The following ZNF395 variants were observed in gnomAD, a reference collection of about 807,000 sequenced individuals.
ZNF395 encodes HD gene regulatory region-binding protein 2.
Under a neutral mutation model 57.7 loss-of-function variants are expected in ZNF395, and 20 were observed. The observed-to-expected ratio is 0.35, with a 90% CI of 0.24 to 0.50. The LOEUF (loss-of-function observed/expected upper bound fraction) is 0.50, where lower values mean the gene tolerates loss of function less well. Ranked by LOEUF, ZNF395 falls within the 20% of genes least tolerant of loss-of-function variation. ZNF395 has a pLI of 0.97. For synonymous variants in ZNF395, 295 were observed against 275.9 expected (o/e 1.07, Z -0.69); for missense variants, 606 against 671.2 (o/e 0.90, Z 1.07).
At chr8:28,349,373 G>T in intron 8 of ZNF395, 145 bp from the exon 9 acceptor site, 1 of 533,746 alleles carries the variant, frequency 1.9e-6, no homozygotes, top group East Asian at 3.4e-5. Context: ...GCCGAGGGGA[G>T]CTCTTGGCAG....
intron 1 of ZNF395, among the ~76,000 whole-genome samples, chr8:28,376,425 T>G (rs1403717169): frequency 6.6e-6 from 1 of 152,002 alleles, no homozygotes; most frequent in Admixed American, 6.6e-5. Context: ...AAGACCAGCC[T>G]GGCCATCATG....
At chr8:28,366,929 C>T (rs2129971706) in intron 1 of ZNF395, among the ~76,000 whole-genome samples, 1 of 152,022 alleles carries the variant, frequency 6.6e-6, no homozygotes, top group Admixed American at 6.5e-5. Flanking sequence ...GCAAGAGCAT[C>T]AAAAGCCGTG....
chr8:28,368,867 G>A (rs536357585), intron 1 of ZNF395, among the ~76,000 whole-genome samples: 1 of 151,866 alleles, frequency 6.6e-6, no homozygotes, highest in Non-Finnish European at 1.5e-5. Context: ...ATAGAGTCTC[G>A]CTCTGTCGAC....
In ZNF395 at chr8:28,359,555, G is replaced by A. The variant is rs767891451; in HGVS notation, c.473+37C>T. 1.2e-5 allele frequency: 19 copies of A among 1,550,854 alleles called. No homozygotes were observed. The highest frequency in any genetic ancestry group is 2.3e-5 in the East Asian group (1 of 44,252). On this transcript the variant is annotated intron_variant, in intron 3 of 9. Coordinates refer to ENST00000344423, the MANE Select transcript of ZNF395 (RefSeq NM_018660.3). This position sits in a 1 kb window ranked among gnomAD's most constrained non-coding sequence, Gnocchi z 4.7. ...CACACCCTTACACCACACTACCCAC[G>A]TGACTTTTAAAACCCAGTTTCTTCT... is the stretch of plus-strand genomic sequence containing the variant.
chr8:28,361,109 AC>A lies in ZNF395; in HGVS notation c.15del (p.Ser6ProfsTer33), dbSNP rs1563339012. 1 of 1,612,428 alleles carries A rather than the reference AC, an allele frequency of 6.2e-7. No homozygotes were observed. Among genetic ancestry groups the A allele is most frequent in the East Asian group, 2.2e-5 (1 of 44,890 alleles). The part of the protein sequence containing the change: MASV[L>X]SRRLGKRSLL... ...AGGGACCGCTTTCCAAGGCGTCGGG[AC>A]AGGACACTCGCCATGCTGCTGCCTC... On this transcript the variant is annotated frameshift_variant, in exon 2 of 10. Transcript: ENST00000344423. LOFTEE classifies it high-confidence loss of function.
intron 1 of ZNF395, among the ~76,000 whole-genome samples, chr8:28,381,058 T>TGTGTGTGTGTGTGTG (rs1563343859): frequency 7.2e-6 from 1 of 138,764 alleles, no homozygotes; most frequent in Admixed American, 7.3e-5. Flanking sequence ...TGTGTGTGTG[T>TGTGTGTGTGTGTGTG]TTTGACGGAG....
At chr8:28,383,709 GC>G (rs1375353004) in intron 1 of ZNF395, among the ~76,000 whole-genome samples, 2 of 151,916 alleles carry the variant, frequency 1.3e-5, no homozygotes, top group African/African-American at 4.8e-5. Context: ...ATCCTCCGCT[GC>G]CCCCCTATTA....
Position 28,350,068 on chromosome 8 carries a change from G to C in ZNF395, c.1322C>G (p.Ser441Cys). ...AAAPSAACSL[S>C]PVRSRSLSFS... ...CCGTGCTGCCCGCACACTCACCGGAGAGAGAGAGCAGGCGGCGGAGGGGGC... is the reference window on the plus strand; with the variant it reads ...CCGTGCTGCCCGCACACTCACCGGACAGAGAGAGCAGGCGGCGGAGGGGGC... The change falls in exon 8 of 10, where the codon TCT becomes TGT. Residue 441 changes from serine (S) to cysteine (C), a missense_variant. Ser to Cys is a moderately radical substitution (Grantham distance 112, BLOSUM62 -1). Around this residue, in one of 3 missense-constraint regions of ZNF395, gnomAD observed 261 missense variants for 240.3 expected, o/e 1.09. Coordinates refer to ENST00000344423, the MANE Select transcript of ZNF395 (RefSeq NM_018660.3). 1.2e-6 allele frequency: 2 copies of C among 1,600,368 alleles called. No individual in the cohort carries two copies. Among genetic ancestry groups the C allele is most frequent in the Non-Finnish European group, 1.7e-6 (2 of 1,175,986 alleles).
chr8:28,353,469 C>T (rs1162701783), intron 4 of ZNF395, 61 bp from the exon 5 acceptor site: 3 of 1,312,078 alleles, frequency 2.3e-6, no homozygotes, highest in African/African-American at 1.5e-5. Flanking sequence ...CAAACTCTCC[C>T]TTCTGAGCTT....
In ZNF395 at chr8:28,353,395, G is replaced by C. The variant is rs1484530120; in HGVS notation, c.597C>G (p.Ala199=). 1.9e-6 allele frequency: 3 copies of C among 1,540,572 alleles called. No homozygotes were observed. Among genetic ancestry groups the C allele is most frequent in the Admixed American group, 2.0e-5 (1 of 49,610 alleles). ...TEANFSASRA[A]CDPWKESGDI... Reference sequence around the variant, plus strand: ...CACCACTCTCCTTCCATGGGTCGCAGGCCGCACGGGAAGCTGGCCAGATGA... The same window carrying C: ...CACCACTCTCCTTCCATGGGTCGCACGCCGCACGGGAAGCTGGCCAGATGA... Residue 199 remains alanine, a synonymous_variant, in exon 5 of 10, where the codon GCC becomes GCG. Coordinates refer to ENST00000344423, the MANE Select transcript of ZNF395 (RefSeq NM_018660.3).
Position 28,358,159 on chromosome 8 carries a change from T to TC in ZNF395, c.474-1381_474-1380insG, listed in dbSNP as rs539367721. Among the ~76,000 whole-genome samples the TC allele has an allele frequency of 9.6e-5, 14 of 145,312 alleles. No individual in the cohort carries two copies. In the East Asian group the frequency reaches 2.5e-3, roughly 26 times the overall value. On this transcript the variant is annotated intron_variant, in intron 3 of 9. Coordinates refer to ENST00000344423, the MANE Select transcript of ZNF395 (RefSeq NM_018660.3). Reference sequence around the variant, plus strand: ...GTTTTTTTCTTTTTTTTCTTTTTTTTTTTTTTTTTTTTTGAGATGCAGTCT... The same window carrying TC: ...GTTTTTTTCTTTTTTTTCTTTTTTTTCTTTTTTTTTTTTTGAGATGCAGTCT...
chr8:28,376,867 T>G (rs1273421880), intron 1 of ZNF395, among the ~76,000 whole-genome samples: 1 of 152,226 alleles, frequency 6.6e-6, no homozygotes, highest in Non-Finnish European at 1.5e-5. Flanking sequence ...ATTTGTTAAG[T>G]CAGCGCACCC....
chr8:28,375,569 C>T (rs1021788107), intron 1 of ZNF395, among the ~76,000 whole-genome samples: 9 of 151,948 alleles, frequency 5.9e-5, no homozygotes, highest in African/African-American at 1.7e-4. Context: ...ACGTATGTGT[C>T]GAAACTGATT....
intron 1 of ZNF395, among the ~76,000 whole-genome samples, chr8:28,371,427 T>C (rs1801975153): frequency 6.6e-6 from 1 of 152,212 alleles, no homozygotes; most frequent in Admixed American, 6.5e-5. Context: ...TCGATCCTCC[T>C]GCCTCGGCCT....
rs1409411214 is a variant in ZNF395 at position 28,359,042 on chromosome 8, G to GA, written c.473+549dup. On this transcript the variant is annotated intron_variant, in intron 3 of 9. Coordinates refer to ENST00000344423, the MANE Select transcript of ZNF395 (RefSeq NM_018660.3). The surrounding 1 kb of genome is among the most constrained non-coding windows in gnomAD (Gnocchi z 4.7). ...CTGATTCAGTTTAAGCATGAGAGGGGAAAAAATAGCCCTATGCCCAACCAA... is the reference window on the plus strand; with the variant it reads ...CTGATTCAGTTTAAGCATGAGAGGGGAAAAAAATAGCCCTATGCCCAACCAA... 1.3e-5 allele frequency among the ~76,000 whole-genome samples: 2 copies of GA among 152,094 alleles called. No homozygotes were observed. The highest frequency in any genetic ancestry group is 2.1e-4 in the South Asian group (1 of 4,826).
chr8:28,378,792 T>A (rs1032130350), intron 1 of ZNF395, among the ~76,000 whole-genome samples: 2 of 152,166 alleles, frequency 1.3e-5, no homozygotes, highest in African/African-American at 4.8e-5. Context: ...TTCTACCGCA[T>A]CCCTAATCAA....
chr8:28,376,655 C>T (rs1165552857), intron 1 of ZNF395, among the ~76,000 whole-genome samples: 1 of 152,006 alleles, frequency 6.6e-6, no homozygotes, highest in Non-Finnish European at 1.5e-5. Flanking sequence ...GCCCAACTTT[C>T]CCCCAAACCC....
chr8:28,351,196 T>C (rs1017594713), intron 7 of ZNF395, among the ~76,000 whole-genome samples: 1 of 152,168 alleles, frequency 6.6e-6, no homozygotes, highest in African/African-American at 2.4e-5. Flanking sequence ...ACTACACGAC[T>C]CCATCCTCTC....
chr8:28,366,082 C>G, intron 1 of ZNF395, among the ~76,000 whole-genome samples: 1 of 152,208 alleles, frequency 6.6e-6, no homozygotes, highest in East Asian at 1.9e-4. Context: ...AAGTGATTCA[C>G]TGCACAACTC....
Sources: gnomAD v4.1 joint callset for allele counts (sites outside exome capture counted in the v4.1 genomes callset) on GRCh38, gnomAD v4.1.1 for gene constraint, gnomAD v4.1.1 regional missense constraint, Gnocchi (gnomAD v3.1) non-coding constraint, MANE v1.5 for transcripts, NCBI Gene and HGNC (gene_info 2026-07-23, HGNC 2026-07-21) for gene names.